CPM: variants seen among roughly 807,000 people sequenced by gnomAD.
The protein encoded by CPM is carboxypeptidase M, also known as renal carboxypeptidase.
A neutral mutation model predicts 46.4 loss-of-function variants in CPM; 35 were observed. The ratio of observed to expected loss-of-function variants is 0.75; its 90% CI spans 0.58 to 1.00. The LOEUF is 1.00. Ranked by LOEUF, CPM falls within the 50% of genes least tolerant of loss-of-function variation. The pLI, the probability that CPM is intolerant of heterozygous loss-of-function variation, is 0.00. For synonymous variants in CPM, 195 were observed against 195.3 expected (o/e 1.00, Z 0.01); for missense variants, 422 against 530.4 (o/e 0.80, Z 2.01).
At chr12:68,921,249 C>T (rs1888030195) in intron 2 of CPM, among the ~76,000 whole-genome samples, 1 of 151,454 alleles carries the variant, frequency 6.6e-6, no homozygotes, top group Admixed American at 6.6e-5. Context: ...TCAAGCGATT[C>T]TCCTGCCTCA....
chr12:68,947,287 T>A (rs1184136716), intron 1 of CPM, among the ~76,000 whole-genome samples: 1 of 152,192 alleles, frequency 6.6e-6, no homozygotes, highest in Non-Finnish European at 1.5e-5. Flanking sequence ...TTATCAGATA[T>A]CTTTGCACAC....
chr12:68,945,022 G>A (rs1420841674), intron 1 of CPM, among the ~76,000 whole-genome samples: 1 of 152,118 alleles, frequency 6.6e-6, no homozygotes, highest in African/African-American at 2.4e-5. Context: ...AACATCTCAA[G>A]AGACCAATCT....
At chr12:68,949,626 C>T (rs961878429) in intron 1 of CPM, among the ~76,000 whole-genome samples, 12 of 152,278 alleles carry the variant, frequency 7.9e-5, no homozygotes, top group Admixed American at 5.9e-4. Flanking sequence ...AAGCACTCAA[C>T]AATGTGTCTG....
Position 68,894,046 on chromosome 12 carries a change from C to T in CPM, c.161-8157G>A, listed in dbSNP as rs190160296. Among the ~76,000 whole-genome samples, 82 of 152,294 alleles carry T rather than the reference C, an allele frequency of 5.4e-4. 1 individual carries two copies. Among genetic ancestry groups the T allele is most frequent in the African/African-American group, 1.9e-3 (79 of 41,556 alleles). On this transcript the variant is annotated intron_variant, in intron 2 of 8. Coordinates refer to ENST00000551568, the MANE Select transcript of CPM (RefSeq NM_198320.5). The stretch of plus-strand genomic sequence containing the variant: ...GGTTGTTACCAGGGACTACCTCATG[C>T]TCACCAGTCTTCACAGCTGTCTTGT...
At chr12:68,870,457 A>C in intron 4 of CPM, 58 bp from the exon 5 acceptor site, 1 of 1,480,790 alleles carries the variant, frequency 6.8e-7, no homozygotes, top group Non-Finnish European at 9.3e-7. Context: ...GTGGATTCTT[A>C]CAGTGTCTTG....
chr12:68,885,386 T>A (rs1382671741), intron 3 of CPM, among the ~76,000 whole-genome samples: 1 of 152,194 alleles, frequency 6.6e-6, no homozygotes, highest in Non-Finnish European at 1.5e-5. Flanking sequence ...GGTAGCTATT[T>A]GGGAGTTTCT....
chr12:68,936,498 C>T (rs1341993265), upstream of CPM, among the ~76,000 whole-genome samples: 1 of 152,164 alleles, frequency 6.6e-6, no homozygotes, highest in Non-Finnish European at 1.5e-5. Flanking sequence ...ATTCTCCTTC[C>T]TCAGCCTCCT....
chr12:68,948,096 G>A (rs190592952), intron 1 of CPM, among the ~76,000 whole-genome samples: 3 of 152,254 alleles, frequency 2.0e-5, no homozygotes, highest in Admixed American at 2.0e-4. Context: ...GGCTACAGAT[G>A]AGTTATTTTA....
chr12:68,904,025 C>T (rs913918044), intron 2 of CPM, among the ~76,000 whole-genome samples: 1 of 151,992 alleles, frequency 6.6e-6, no homozygotes, highest in African/African-American at 2.4e-5. Flanking sequence ...TAGCTGGGAC[C>T]ACAGGCATGC....
chr12:68,932,903 G>C, intron 1 of CPM, 63 bp from the exon 2 acceptor site: 2 of 1,491,352 alleles, frequency 1.3e-6, no homozygotes, highest in Admixed American at 1.7e-5. Flanking sequence ...GGCATCACCA[G>C]CTACGTCTCG....
At chr12:68,931,900 G>A (rs969619766) in intron 2 of CPM, among the ~76,000 whole-genome samples, 2 of 152,036 alleles carry the variant, frequency 1.3e-5, no homozygotes, top group African/African-American at 2.4e-5. Flanking sequence ...TAATTTATCT[G>A]ATTCAAACTT....
intron 1 of CPM, among the ~76,000 whole-genome samples, chr12:68,951,582 G>C (rs942378126): frequency 6.6e-6 from 1 of 152,198 alleles, no homozygotes; most frequent in African/African-American, 2.4e-5. Flanking sequence ...TGTGTGCAAA[G>C]CTGATAGGCA....
intron 2 of CPM, among the ~76,000 whole-genome samples, chr12:68,896,833 T>C (rs1277683228): frequency 2.0e-5 from 3 of 152,178 alleles, no homozygotes; most frequent in Admixed American, 6.6e-5. Flanking sequence ...TTAGGTTCCA[T>C]TTCATTTCTT....
At chr12:68,898,020 T>A (rs1348785543) in intron 2 of CPM, among the ~76,000 whole-genome samples, 5 of 145,486 alleles carry the variant, frequency 3.4e-5, no homozygotes, top group African/African-American at 7.5e-5. Context: ...ATTTGTGTAT[T>A]TTTTTTTTTT....
rs768420844 is a variant in CPM at position 68,866,992 on chromosome 12, G to T, written c.844C>A (p.Leu282Met). Reference protein sequence around the residue: ...WAQCFEITLELSCCKYPREEK... With the variant: ...WAQCFEITLEMSCCKYPREEK... Reference sequence around the variant, plus strand: ...TCACGAGGATATTTACAGCATGACAGCTCCAACGTAATTTCAAAACACTGG... The same window carrying T: ...TCACGAGGATATTTACAGCATGACATCTCCAACGTAATTTCAAAACACTGG... The change falls in exon 7 of 9, where the codon CTG becomes ATG. Residue 282 changes from leucine (L) to methionine (M), a missense_variant. Leu to Met is a conservative substitution (Grantham distance 15, BLOSUM62 2). Transcript: ENST00000551568. The T allele has an allele frequency of 1.2e-6, 2 of 1,614,086 alleles. No individual in the cohort carries two copies. The highest frequency in any genetic ancestry group is 2.2e-5 in the South Asian group (2 of 91,082).
chr12:68,892,019 G>A (rs1408776937), intron 2 of CPM, among the ~76,000 whole-genome samples: 12 of 152,142 alleles, frequency 7.9e-5, no homozygotes, highest in Non-Finnish European at 1.2e-4. Context: ...TTACAGGCGT[G>A]AGCCACTTCA....
intron 2 of CPM, among the ~76,000 whole-genome samples, chr12:68,917,410 G>A (rs989406901): frequency 3.3e-5 from 5 of 152,188 alleles, no homozygotes; most frequent in African/African-American, 1.2e-4. Flanking sequence ...TACTAAATAA[G>A]TGGAATGAAT....
chr12:68,901,016 G>A (rs993247376), intron 2 of CPM, among the ~76,000 whole-genome samples: 8 of 152,202 alleles, frequency 5.3e-5, no homozygotes, highest in African/African-American at 1.7e-4. Flanking sequence ...CTCTGGTGGG[G>A]GATATTGATC....
intron 1 of CPM, among the ~76,000 whole-genome samples, chr12:68,960,215 T>C (rs1034861203): frequency 6.6e-6 from 1 of 152,220 alleles, no homozygotes; most frequent in African/African-American, 2.4e-5. Flanking sequence ...GAAACATTTA[T>C]TTTTGGCACT....
Sources: gnomAD v4.1 joint callset for allele counts (sites outside exome capture counted in the v4.1 genomes callset) on GRCh38, gnomAD v4.1.1 for gene constraint, MANE v1.5 for transcripts, NCBI Gene and HGNC (gene_info 2026-07-23, HGNC 2026-07-21) for gene names.